TFAP2E: variants seen among roughly 807,000 people sequenced by gnomAD.
TFAP2E encodes transcription factor AP-2-epsilon.
Under a neutral mutation model 37.9 loss-of-function variants are expected in TFAP2E, and 30 were observed. The observed-to-expected ratio is 0.79, with a 90% CI of 0.59 to 1.07. The LOEUF is 1.07. Among genes scored for constraint, TFAP2E ranks in the 50% least tolerant of loss-of-function variants. The probability of loss-of-function intolerance (pLI) is 0.00; values close to 1 mark genes in which losing one functional copy is unlikely to be tolerated. For synonymous variants in TFAP2E, 318 were observed against 295.8 expected, an observed-to-expected ratio of 1.08 and a Z score of -0.77; for missense variants, 567 against 637.9, an observed-to-expected ratio of 0.89 and a Z score of 1.20.
At chr1:35,586,503 C>T (rs952362623) in intron 3 of TFAP2E, among the ~76,000 whole-genome samples, 1 of 152,044 alleles carries the variant, frequency 6.6e-6, no homozygotes, top group African/African-American at 2.4e-5. Context: ...GCAGGGTGAC[C>T]AGAGCAAGGT....
intron 3 of TFAP2E, among the ~76,000 whole-genome samples, chr1:35,580,435 T>C (rs1649316467): frequency 6.6e-6 from 1 of 152,038 alleles, no homozygotes; most frequent in Non-Finnish European, 1.5e-5. Flanking sequence ...AGGAACCACA[T>C]GCATCAGGAC....
Position 35,577,704 on chromosome 1 carries a change from A to G in TFAP2E, c.562+2704A>G. The stretch of plus-strand genomic sequence containing the variant: ...TTCGACTTCGCCAGCGCCGCGGGGC[A>G]GAGGCACCTGGAGCTCGCAGGGCCC... On this transcript the variant is annotated intron_variant, in intron 3 of 6. Transcript: ENST00000373235. This position sits in a 1 kb window ranked among gnomAD's most constrained non-coding sequence, Gnocchi z 6.3. 3.3e-6 allele frequency: 1 copy of G among 305,186 alleles called. No homozygotes were observed. Among genetic ancestry groups the G allele is most frequent in the Non-Finnish European group, 6.6e-6 (1 of 150,412 alleles). 18.9% of individuals were successfully genotyped at this position (305,186 alleles called of 1,614,324 possible).
At chr1:35,586,143 CA>C (rs1649473913) in intron 3 of TFAP2E, among the ~76,000 whole-genome samples, 1 of 152,056 alleles carries the variant, frequency 6.6e-6, no homozygotes, top group Non-Finnish European at 1.5e-5. Context: ...GCCTAATGGA[CA>C]AATGGGGACC....
chr1:35,593,128 T>C (rs1255697466), intron 6 of TFAP2E, among the ~76,000 whole-genome samples: 2 of 152,058 alleles, frequency 1.3e-5, no homozygotes, highest in Non-Finnish European at 2.9e-5. Flanking sequence ...TCAGATCGCT[T>C]GAGCCCAGGA....
intron 3 of TFAP2E, among the ~76,000 whole-genome samples, chr1:35,582,210 T>C (rs1034999258): frequency 5.9e-5 from 9 of 152,120 alleles, no homozygotes; most frequent in Admixed American, 2.6e-4. Context: ...TCAAGTGGTA[T>C]CTCAGTATAG....
rs1055166673 is a variant in TFAP2E at position 35,577,603 on chromosome 1, G to A, written c.562+2603G>A. ...GTCGCTGAAGGTTGGGGTCCTTGGT[G>A]CGAAAGGGAGGCAGCTGCAGCCTCA... On this transcript the variant is annotated intron_variant, in intron 3 of 6. Transcript: ENST00000373235. This position sits in a 1 kb window ranked among gnomAD's most constrained non-coding sequence, Gnocchi z 6.3. 2.6e-4 allele frequency: 93 copies of A among 357,160 alleles called. No individual in the cohort carries two copies. The allele number at this position is 357,160 out of a possible 1,614,324, so 22.1% of individuals were successfully genotyped here.
At position 35,580,903 on chromosome 1, in the gene TFAP2E, A is replaced by G. The variant is rs901609751; in HGVS notation, c.562+5903A>G. On this transcript the variant is annotated intron_variant, in intron 3 of 6. Coordinates refer to ENST00000373235, the MANE Select transcript of TFAP2E (RefSeq NM_178548.4). ...TAAAATTTACATACCTAAAATTTACACATTGTAAGAATATAATTTGATGAT... is the reference window on the plus strand; with the variant it reads ...TAAAATTTACATACCTAAAATTTACGCATTGTAAGAATATAATTTGATGAT... Among the ~76,000 whole-genome samples, 3 of 152,204 alleles carry G rather than the reference A, an allele frequency of 2.0e-5. No homozygotes were observed. The South Asian group carries it at 6.2e-4, about 32-fold the overall frequency.
Position 35,574,957 on chromosome 1 carries a change from C to G in TFAP2E, c.519C>G (p.Asp173Glu). Residue 173 changes from aspartate (D) to glutamate (E), a missense_variant, in exon 3 of 7, where the codon GAC (aspartate) becomes GAG (glutamate). Physicochemically the swap from Asp to Glu is conservative, Grantham distance 45. Around this residue, in one of 3 missense-constraint regions of TFAP2E, gnomAD observed 312 missense variants for 317.4 expected, o/e 0.98. Transcript: ENST00000373235. ...CCCTCTGCTATTTGCAGGCAATGGA[C>G]GAGCCGGGAATGAGCCTCCTAGACC... Reference protein sequence around the residue: ...APGLEDLQAMDEPGMSLLDQS... With the variant: ...APGLEDLQAMEEPGMSLLDQS... 6.2e-7 allele frequency: 1 copy of G among 1,613,880 alleles called. No homozygotes were observed. The highest frequency in any genetic ancestry group is 8.5e-7 in the Non-Finnish European group (1 of 1,180,002).
At position 35,588,101 on chromosome 1, in the gene TFAP2E, A is replaced by C. The variant is rs1649542738; in HGVS notation, c.563-229A>C. ...ACCAAGATTCCGCTGGAGCTGTTTGAGTTTAAGATAGGACCAGCCTGGTTC... is the reference window on the plus strand; with the variant it reads ...ACCAAGATTCCGCTGGAGCTGTTTGCGTTTAAGATAGGACCAGCCTGGTTC... On this transcript the variant is annotated intron_variant, in intron 3 of 6. Transcript: ENST00000373235. The surrounding 1 kb of genome is among the most constrained non-coding windows in gnomAD (Gnocchi z 5.1). 6.6e-6 allele frequency among the ~76,000 whole-genome samples: 1 copy of C among 152,126 alleles called. No homozygotes were observed. The highest frequency in any genetic ancestry group is 2.4e-5 in the African/African-American group (1 of 41,416).
Position 35,590,580 on chromosome 1 carries a change from G to A in TFAP2E, c.905-54G>A, listed in dbSNP as rs1649633736. 2 of 1,412,956 alleles carry A rather than the reference G, an allele frequency of 1.4e-6. No individual in the cohort carries two copies. The highest frequency in any genetic ancestry group is 1.9e-6 in the Non-Finnish European group (2 of 1,073,230). 87.5% of individuals were successfully genotyped at this position (1,412,956 alleles called of 1,614,324 possible). A position where few individuals can be genotyped will look rare whatever the true frequency, so the allele number is the denominator to read the frequency against. ...ACCAGGGGGTCAGAGGTTCAAAGCT[G>A]TGTTCCAGGCGCAGAGGTACACCCT... On this transcript the variant is annotated intron_variant, in intron 5 of 6. Coordinates refer to ENST00000373235, the MANE Select transcript of TFAP2E (RefSeq NM_178548.4). The surrounding 1 kb of genome is among the most constrained non-coding windows in gnomAD (Gnocchi z 6.2).
intron 6 of TFAP2E, among the ~76,000 whole-genome samples, chr1:35,593,530 A>G (rs1649745392): frequency 6.6e-6 from 1 of 152,126 alleles, no homozygotes; most frequent in South Asian, 2.1e-4. Flanking sequence ...CCTGCCTTTG[A>G]GGCTTTCCTC....
intron 3 of TFAP2E, among the ~76,000 whole-genome samples, chr1:35,578,428 GAAA>G (rs58170344): frequency 7.6e-6 from 1 of 132,278 alleles, no homozygotes; most frequent in Non-Finnish European, 1.6e-5. Flanking sequence ...CTCCGTCTCG[GAAA>G]AAAAAAAAAA....
chr1:35,582,258 G>T (rs946744932), intron 3 of TFAP2E, among the ~76,000 whole-genome samples: 1 of 152,012 alleles, frequency 6.6e-6, no homozygotes, highest in Non-Finnish European at 1.5e-5. Context: ...ATAATGTTAA[G>T]AACTTTTTCA....
chr1:35,579,440 C>T (rs957551819), intron 3 of TFAP2E, among the ~76,000 whole-genome samples: 4 of 151,988 alleles, frequency 2.6e-5, no homozygotes, highest in Non-Finnish European at 5.9e-5. Flanking sequence ...GTTTTACTCT[C>T]TCGCCCAGGT....
At chr1:35,579,326 G>T (rs1557434011) in intron 3 of TFAP2E, among the ~76,000 whole-genome samples, 1 of 151,698 alleles carries the variant, frequency 6.6e-6, no homozygotes, top group Non-Finnish European at 1.5e-5. Context: ...AACCTGCGGG[G>T]CGGAGGTTGC....
In TFAP2E at chr1:35,589,953, G is replaced by A. The variant is rs757593324; in HGVS notation, c.809G>A (p.Arg270Gln). The A allele has an allele frequency of 2.2e-5, 35 of 1,613,866 alleles. No individual in the cohort carries two copies. Among genetic ancestry groups the A allele is most frequent in the Non-Finnish European group, 2.4e-5 (28 of 1,179,896 alleles). The change falls in exon 5 of 7, where the codon CGG becomes CAG. Residue 270 changes from arginine to glutamine, a missense_variant. Physicochemically the swap from Arg to Gln is conservative, Grantham distance 43 (BLOSUM62 1). This residue lies in a region of TFAP2E where 252 missense variants were observed against 302.6 expected (regional missense o/e 0.83). Transcript: ENST00000373235. ...LRRAKSKNGGRCLRERLEKIG... is the reference protein window; with the variant it reads ...LRRAKSKNGGQCLRERLEKIG... ...AGGGCCAAGTCCAAAAATGGGGGCC[G>A]GTGTTTGCGGGAACGGTTAGAGAAG...
rs1440015079 is a variant in TFAP2E at position 35,594,702 on chromosome 1, G to A, written c.*26G>A. 1.2e-6 allele frequency: 2 copies of A among 1,612,664 alleles called. No individual in the cohort carries two copies. Among genetic ancestry groups the A allele is most frequent in the South Asian group, 2.2e-5 (2 of 91,026 alleles). On this transcript the variant is annotated 3_prime_UTR_variant, in exon 7 of 7. Transcript: ENST00000373235. ...CTGCTTCTCCCACCCCATCCCTAAGGGGCTCCCAGGCCCTGAAATAGGGAC... is the reference window on the plus strand; with the variant it reads ...CTGCTTCTCCCACCCCATCCCTAAGAGGCTCCCAGGCCCTGAAATAGGGAC...
Position 35,589,928 on chromosome 1 carries a change from A to AGGGCC in TFAP2E, c.786-1_789dup. Reference sequence around the variant, plus strand: ...TGTCTGTCTGTCTCTGTGCATGTCAAGGGCCAAGTCCAAAAATGGGGGCCG... The same window carrying AGGGCC: ...TGTCTGTCTGTCTCTGTGCATGTCAAGGGCCGGGCCAAGTCCAAAAATGGGGGCCG... On this transcript the variant is annotated splice_acceptor_variant, in intron 4 of 6. Transcript: ENST00000373235. LOFTEE classifies it high-confidence loss of function. 2 of 1,613,896 alleles carry AGGGCC rather than the reference A, an allele frequency of 1.2e-6. No homozygotes were observed. The highest frequency in any genetic ancestry group is 1.7e-6 in the Non-Finnish European group (2 of 1,179,852).
intron 3 of TFAP2E, among the ~76,000 whole-genome samples, chr1:35,587,125 G>A (rs1649503624): frequency 6.6e-6 from 1 of 152,174 alleles, no homozygotes. Context: ...GTAGCTGTTA[G>A]TCCCAGACTC....
Sources: gnomAD v4.1 joint callset for allele counts (sites outside exome capture counted in the v4.1 genomes callset) on GRCh38, gnomAD v4.1.1 for gene constraint, gnomAD v4.1.1 regional missense constraint, Gnocchi (gnomAD v3.1) non-coding constraint, MANE v1.5 for transcripts, NCBI Gene and HGNC (gene_info 2026-07-23, HGNC 2026-07-21) for gene names.